Variants in MACROD2 observed in about 807,000 individuals in gnomAD.
The protein encoded by MACROD2 is mono-ADP ribosylhydrolase 2, also known as ADP-ribose glycohydrolase MACROD2.
A neutral mutation model predicts 70.4 loss-of-function variants in MACROD2; 36 were observed. The observed-to-expected ratio is 0.51, with a 90% CI of 0.39 to 0.68. The LOEUF is 0.68. MACROD2 is among the 30% of genes least tolerant of loss of function. MACROD2 has a pLI of 0.00. For synonymous variants in MACROD2, 172 were observed against 178.8 expected, an observed-to-expected ratio of 0.96 and a Z score of 0.30; for missense variants, 496 against 538.4, an observed-to-expected ratio of 0.92 and a Z score of 0.78.
intron 5 of MACROD2, among the ~76,000 whole-genome samples, chr20:14,911,022 A>G (rs781003741): frequency 3.3e-5 from 5 of 152,190 alleles, no homozygotes; most frequent in Admixed American, 2.0e-4. Context: ...CTTCAACTCT[A>G]TCTCATTTAT....
chr20:14,324,247 C>T (rs1024836796), intron 3 of MACROD2: 1 of 150,926 alleles, frequency 6.6e-6, no homozygotes, highest in African/African-American at 2.5e-5. Flanking sequence ...AAGGCACATA[C>T]AAGACTGGCC....
At chr20:14,494,255 TC>T (rs2084827486) in intron 4 of MACROD2, among the ~76,000 whole-genome samples, 1 of 152,068 alleles carries the variant, frequency 6.6e-6, no homozygotes, top group Non-Finnish European at 1.5e-5. Context: ...GTTTCCTCTT[TC>T]CCTGTCACTC....
intron 5 of MACROD2, among the ~76,000 whole-genome samples, chr20:14,833,826 C>CT (rs1371222386): frequency 6.6e-6 from 1 of 151,982 alleles, no homozygotes; most frequent in East Asian, 1.9e-4. Context: ...ACTATTTCAA[C>CT]TTATTTGTTA....
chr20:15,106,839 C>A (rs1322862143), intron 5 of MACROD2, among the ~76,000 whole-genome samples: 1 of 151,670 alleles, frequency 6.6e-6, no homozygotes, highest in Non-Finnish European at 1.5e-5. Context: ...AGTGATCTGC[C>A]ATAGATATTT....
At chr20:14,500,823 C>A (rs1480830321) in intron 4 of MACROD2, among the ~76,000 whole-genome samples, 1 of 152,182 alleles carries the variant, frequency 6.6e-6, no homozygotes, top group Non-Finnish European at 1.5e-5. Context: ...ATACCTGAAC[C>A]TGGAAGTGTG....
chr20:14,673,014 G>A (rs565812259), intron 4 of MACROD2, among the ~76,000 whole-genome samples: 8 of 152,168 alleles, frequency 5.3e-5, no homozygotes, highest in African/African-American at 1.4e-4. Context: ...TGCATCAAGC[G>A]GCTCCTTATG....
intron 5 of MACROD2, among the ~76,000 whole-genome samples, chr20:14,760,965 T>C (rs993833677): frequency 3.3e-5 from 5 of 152,118 alleles, no homozygotes; most frequent in African/African-American, 1.2e-4. Flanking sequence ...TCTCTTTGAT[T>C]TTTTTGCAGT....
intron 4 of MACROD2, among the ~76,000 whole-genome samples, chr20:14,497,795 G>A (rs1357017062): frequency 6.6e-6 from 1 of 151,760 alleles, no homozygotes; most frequent in East Asian, 1.9e-4. Context: ...TTGCATCAAT[G>A]CTGTAATTTG....
At chr20:14,224,793 C>A (rs758712951) in intron 3 of MACROD2, among the ~76,000 whole-genome samples, 2 of 152,126 alleles carry the variant, frequency 1.3e-5, no homozygotes, top group Non-Finnish European at 2.9e-5. Flanking sequence ...GACCTGCATA[C>A]CAGTACTGTT....
At chr20:14,957,742 C>G (rs1001763320) in intron 5 of MACROD2, among the ~76,000 whole-genome samples, 1 of 152,014 alleles carries the variant, frequency 6.6e-6, no homozygotes, top group Non-Finnish European at 1.5e-5. Context: ...CTCTGGGTAT[C>G]GTTTTACATA....
intron 5 of MACROD2, among the ~76,000 whole-genome samples, chr20:14,761,587 C>T (rs2072016591): frequency 1.3e-5 from 2 of 152,108 alleles, no homozygotes; most frequent in Non-Finnish European, 2.9e-5. Flanking sequence ...GCTGTTTCAG[C>T]TCACTGGTAT....
intron 2 of MACROD2, among the ~76,000 whole-genome samples, chr20:14,078,654 C>T (rs749154596): frequency 2.7e-5 from 4 of 150,922 alleles, no homozygotes; most frequent in Non-Finnish European, 5.9e-5. Context: ...GTGATCCGCC[C>T]ACCTTGGCCT....
intron 2 of MACROD2, among the ~76,000 whole-genome samples, chr20:14,012,013 A>G (rs2052915785): frequency 6.6e-6 from 1 of 151,844 alleles, no homozygotes; most frequent in Non-Finnish European, 1.5e-5. Flanking sequence ...AGTTCAAGTG[A>G]TTCTTGTACC....
intron 5 of MACROD2, among the ~76,000 whole-genome samples, chr20:14,881,307 T>C (rs1427770548): frequency 6.7e-6 from 1 of 149,940 alleles, no homozygotes; most frequent in East Asian, 2.0e-4. Flanking sequence ...ATACTGTGAC[T>C]CAAAGTTCTA....
intron 5 of MACROD2, among the ~76,000 whole-genome samples, chr20:15,100,049 A>G (rs549061901): frequency 6.6e-6 from 1 of 152,114 alleles, no homozygotes; most frequent in Non-Finnish European, 1.5e-5. Flanking sequence ...GTGTTTTGTG[A>G]CAGGTAGAAC....
At position 13,995,540 on chromosome 20, in the gene MACROD2, G is replaced by A. The variant is rs1366514298; in HGVS notation, c.-224G>A. 1.6e-6 allele frequency: 1 copy of A among 630,508 alleles called. No individual in the cohort carries two copies. Among genetic ancestry groups the A allele is most frequent in the African/African-American group, 1.8e-5 (1 of 54,906 alleles). 39.1% of individuals were successfully genotyped at this position (630,508 alleles called of 1,614,324 possible). On this transcript the variant is annotated 5_prime_UTR_variant, in exon 1 of 18. Coordinates refer to ENST00000684519, the MANE Select transcript of MACROD2 (RefSeq NM_001351661.2). This position sits in a 1 kb window ranked among gnomAD's most constrained non-coding sequence, Gnocchi z 4.3. ...TGACAGGCTCTGAGGTGCTGCTGTG[G>A]CGGCGTCCGCGGGGCTGAGGCGGGT...
chr20:14,327,257 T>C (rs752131602), intron 3 of MACROD2: 2 of 1,613,840 alleles, frequency 1.2e-6, no homozygotes, highest in South Asian at 2.2e-5. Flanking sequence ...CTTTCTACTT[T>C]CAGCAAGTTT....
chr20:14,768,513 C>T (rs2072121704), intron 5 of MACROD2, among the ~76,000 whole-genome samples: 1 of 151,966 alleles, frequency 6.6e-6, no homozygotes, highest in Admixed American at 6.6e-5. Context: ...TTTATGGGAT[C>T]TCTTTATGGT....
intron 3 of MACROD2, among the ~76,000 whole-genome samples, chr20:14,490,897 T>A (rs2084786120): frequency 1.3e-5 from 2 of 152,174 alleles, no homozygotes; most frequent in Admixed American, 1.3e-4. Context: ...ATGAAGAAAT[T>A]GACTAAACCT....
Sources: allele counts gnomAD v4.1 joint callset (sites outside exome capture counted in the v4.1 genomes callset), GRCh38; gene constraint gnomAD v4.1.1; non-coding constraint Gnocchi (gnomAD v3.1); transcripts MANE v1.5; gene names NCBI Gene and HGNC (gene_info 2026-07-23, HGNC 2026-07-21).